The following NDST3 variants were observed in gnomAD, a reference collection of about 807,000 sequenced individuals.
NDST3 encodes bifunctional heparan sulfate N-deacetylase/N-sulfotransferase 3.
In NDST3, 58 loss-of-function variants were observed where a neutral mutation model predicts 96.1. The observed-to-expected ratio is 0.60, with a 90% CI of 0.49 to 0.75. The LOEUF is 0.75. NDST3 is among the 30% of genes least tolerant of loss of function. NDST3 has a pLI of 0.00. For missense variants in NDST3, 788 were observed against 1,034.2 expected (o/e 0.76, Z 3.27); for synonymous variants, 333 against 359.7 (o/e 0.93, Z 0.84).
intron 5 of NDST3, among the ~76,000 whole-genome samples, chr4:118,139,972 C>A (rs775483066): frequency 6.6e-6 from 1 of 152,170 alleles, no homozygotes; most frequent in Non-Finnish European, 1.5e-5. Flanking sequence ...CAGTGCCAAC[C>A]TTTTAATCTT....
chr4:118,093,882 G>A (rs980556496), intron 2 of NDST3, among the ~76,000 whole-genome samples: 1 of 151,814 alleles, frequency 6.6e-6, no homozygotes, highest in Non-Finnish European at 1.5e-5. Context: ...GCACCAGCAG[G>A]TTCAGTGTCT....
At chr4:118,040,768 C>T (rs1279834837) in intron 1 of NDST3, among the ~76,000 whole-genome samples, 1 of 150,814 alleles carries the variant, frequency 6.6e-6, no homozygotes, top group Non-Finnish European at 1.5e-5. Flanking sequence ...CTGCAGCCTC[C>T]ACCTCCCAGG....
chr4:118,168,600 G>C (rs1034083698), intron 6 of NDST3, among the ~76,000 whole-genome samples: 3 of 152,098 alleles, frequency 2.0e-5, no homozygotes, highest in Non-Finnish European at 4.4e-5. Flanking sequence ...ACTACCATAT[G>C]ATTCAACAAT....
chr4:118,210,090 G>C (rs1738685827), intron 6 of NDST3, among the ~76,000 whole-genome samples: 1 of 152,164 alleles, frequency 6.6e-6, no homozygotes, highest in African/African-American at 2.4e-5. Context: ...AAAATGTCAA[G>C]TTCCTGGAAA....
intron 10 of NDST3, among the ~76,000 whole-genome samples, chr4:118,238,575 T>C (rs966355062): frequency 2.6e-5 from 4 of 152,184 alleles, no homozygotes; most frequent in African/African-American, 9.7e-5. Flanking sequence ...TTCTCAGTTT[T>C]GTAACTTAAA....
chr4:118,237,524 C>T (rs1174360335), intron 10 of NDST3, among the ~76,000 whole-genome samples: 1 of 152,048 alleles, frequency 6.6e-6, no homozygotes, highest in Admixed American at 6.6e-5. Context: ...TATATATCTG[C>T]ATTTTAAGGT....
rs374392654 is a variant in NDST3 at position 118,253,496 on chromosome 4, T to C, written c.2400-3T>C. On this transcript the variant is annotated splice_region_variant and splice_polypyrimidine_tract_variant and intron_variant, in intron 12 of 13. Coordinates refer to ENST00000296499, the MANE Select transcript of NDST3 (RefSeq NM_004784.3). ...TTTCTGTGTGTATTCTTTTTTTTTT[T>C]AGGTTTGATTCTCATAAAGGTTTCT... The C allele has an allele frequency of 6.7e-6, 10 of 1,487,528 alleles. No individual in the cohort carries two copies. The highest frequency in any genetic ancestry group is 2.4e-5 in the South Asian group (2 of 83,510). The allele number at this position is 1,487,528 out of a possible 1,614,324, so 92.1% of individuals were successfully genotyped here. A position where few individuals can be genotyped will look rare whatever the true frequency, so the allele number is the denominator to read the frequency against.
chr4:118,219,904 C>CA (rs1345629833), intron 6 of NDST3, among the ~76,000 whole-genome samples: 20 of 151,582 alleles, frequency 1.3e-4, no homozygotes, highest in Admixed American at 1.1e-3. Context: ...AACGAACATA[C>CA]AAAAAAAAGC....
chr4:118,174,843 G>A (rs1348407390), intron 6 of NDST3, among the ~76,000 whole-genome samples: 1 of 152,106 alleles, frequency 6.6e-6, no homozygotes, highest in African/African-American at 2.4e-5. Flanking sequence ...ATCCGACTGT[G>A]ACTAAAGTTG....
At chr4:118,234,978 C>T (rs1462999340) in intron 9 of NDST3, among the ~76,000 whole-genome samples, 2 of 148,840 alleles carry the variant, frequency 1.3e-5, no homozygotes, top group Non-Finnish European at 3.0e-5. Flanking sequence ...TGCAATGAGT[C>T]AAGATCGTGC....
chr4:118,223,066 G>T, intron 6 of NDST3, among the ~76,000 whole-genome samples: 1 of 151,676 alleles, frequency 6.6e-6, no homozygotes, highest in East Asian at 1.9e-4. Context: ...TTTTAAAATT[G>T]TATTTAAAAA....
intron 12 of NDST3, among the ~76,000 whole-genome samples, chr4:118,247,469 T>C (rs1741391589): frequency 6.6e-6 from 1 of 152,022 alleles, no homozygotes; most frequent in African/African-American, 2.4e-5. Flanking sequence ...GGAGAATTGC[T>C]TGAACCCAGG....
At chr4:118,190,495 C>T (rs1737234929) in intron 6 of NDST3, among the ~76,000 whole-genome samples, 2 of 152,064 alleles carry the variant, frequency 1.3e-5, no homozygotes, top group African/African-American at 4.8e-5. Flanking sequence ...AGGTACCTTC[C>T]CTAATGTCTT....
At chr4:118,192,152 G>A (rs1737346804) in intron 6 of NDST3, among the ~76,000 whole-genome samples, 1 of 152,080 alleles carries the variant, frequency 6.6e-6, no homozygotes, top group Non-Finnish European at 1.5e-5. Context: ...TTCCTACAGT[G>A]CTGTTTGAGC....
chr4:118,200,677 CT>C (rs2125978879), intron 6 of NDST3, among the ~76,000 whole-genome samples: 2 of 152,082 alleles, frequency 1.3e-5, no homozygotes, highest in East Asian at 3.9e-4. Context: ...TTTTATTTGC[CT>C]TTTATAAGGA....
chr4:118,165,062 TAGTA>T (rs1735451543), intron 6 of NDST3, among the ~76,000 whole-genome samples: 2 of 151,998 alleles, frequency 1.3e-5, no homozygotes, highest in Admixed American at 6.6e-5. Flanking sequence ...AAAATGGTAA[TAGTA>T]AGTGCTTCCC....
At chr4:118,045,362 C>T (rs1724703497) in intron 1 of NDST3, among the ~76,000 whole-genome samples, 1 of 152,118 alleles carries the variant, frequency 6.6e-6, no homozygotes, top group African/African-American at 2.4e-5. Flanking sequence ...ATCCACAACC[C>T]TCACATTATT....
chr4:118,090,965 C>G (rs6852469), intron 2 of NDST3, among the ~76,000 whole-genome samples: 140,773 of 151,774 alleles, frequency 0.93, 66,238 homozygotes, highest in East Asian at 1. Context: ...TTGCTTTTTT[C>G]GTTTTATGCC....
Position 118,114,336 on chromosome 4 carries a change from A to G in NDST3, c.1070-470A>G, listed in dbSNP as rs536617233. 2.0e-5 allele frequency among the ~76,000 whole-genome samples: 3 copies of G among 152,286 alleles called. No homozygotes were observed. In the South Asian group the frequency reaches 6.2e-4, roughly 32 times the overall value. The stretch of plus-strand genomic sequence containing the variant: ...TGTCAGTTTTCACCAAATACTGAGT[A>G]ACTTCTTCCCAGACCTAAGGAGGAA... On this transcript the variant is annotated intron_variant, in intron 3 of 13. Coordinates refer to ENST00000296499, the MANE Select transcript of NDST3 (RefSeq NM_004784.3).
Sources: allele counts gnomAD v4.1 joint callset (sites outside exome capture counted in the v4.1 genomes callset), GRCh38; gene constraint gnomAD v4.1.1; transcripts MANE v1.5; gene names NCBI Gene and HGNC (gene_info 2026-07-23, HGNC 2026-07-21).